Variants in KCNK17 observed in about 807,000 individuals in gnomAD.
KCNK17 encodes potassium channel subfamily K member 17.
KCNK17 carries 27 observed loss-of-function variants against 24.6 expected under a neutral mutation model. The ratio of observed to expected loss-of-function variants is 1.10; its 90% confidence interval spans 0.81 to 1.51. KCNK17 has a LOEUF of 1.51. Among genes scored for constraint, KCNK17 ranks in the 40% most tolerant of loss-of-function variants. The probability of loss-of-function intolerance (pLI) is 0.00; values close to 1 mark genes in which losing one functional copy is unlikely to be tolerated. For synonymous variants in KCNK17, 181 were observed against 189.8 expected, an observed-to-expected ratio of 0.95 and a Z score of 0.38; for missense variants, 450 against 436.6, an observed-to-expected ratio of 1.03 and a Z score of -0.27.
Position 39,314,416 on chromosome 6 carries a change from G to A in KCNK17, c.-96C>T. On this transcript the variant is annotated 5_prime_UTR_variant, in exon 1 of 5. Transcript: ENST00000373231. ...CCAGCTCGTATCTCCTCTCGCAAACGCCTGCTGGTGCCCGGTTTCGCCGGG... is the reference window on the plus strand; with the variant it reads ...CCAGCTCGTATCTCCTCTCGCAAACACCTGCTGGTGCCCGGTTTCGCCGGG... 2 of 876,898 alleles carry A rather than the reference G, an allele frequency of 2.3e-6. No individual in the cohort carries two copies. Among genetic ancestry groups the A allele is most frequent in the Non-Finnish European group, 3.3e-6 (2 of 612,408 alleles). The allele number at this position is 876,898 out of a possible 1,614,324, so 54.3% of individuals were successfully genotyped here. A position where few individuals can be genotyped will look rare whatever the true frequency, so the allele number is the denominator to read the frequency against.
At chr6:39,308,654 G>A (rs918274243) in intron 2 of KCNK17, among the ~76,000 whole-genome samples, 6 of 152,246 alleles carry the variant, frequency 3.9e-5, no homozygotes, top group African/African-American at 1.4e-4. Context: ...GCCAGGAATG[G>A]AGTTCATAGA....
chr6:39,307,608 A>G (rs1762058436), intron 2 of KCNK17, among the ~76,000 whole-genome samples: 1 of 152,128 alleles, frequency 6.6e-6, no homozygotes, highest in Non-Finnish European at 1.5e-5. Context: ...CAGCGTTCTC[A>G]GGCTGACATT....
At chr6:39,310,734 C>T (rs533297186) in intron 2 of KCNK17, among the ~76,000 whole-genome samples, 159 bp downstream of exon 2, 2 of 152,212 alleles carry the variant, frequency 1.3e-5, no homozygotes, top group East Asian at 3.9e-4. Context: ...TGTAGTGAGG[C>T]CCGAGACTGC....
intron 2 of KCNK17, among the ~76,000 whole-genome samples, chr6:39,305,177 G>C (rs560466698): frequency 6.6e-6 from 1 of 152,306 alleles, no homozygotes; most frequent in East Asian, 1.9e-4. Flanking sequence ...CTTTGCTCTG[G>C]GATCCCCATG....
At chr6:39,306,326 G>A (rs1246352717) in intron 2 of KCNK17, among the ~76,000 whole-genome samples, 1 of 152,200 alleles carries the variant, frequency 6.6e-6, no homozygotes, top group Non-Finnish European at 1.5e-5. Context: ...TTACAGGCGT[G>A]AGCCACCGCA....
At chr6:39,304,181 G>A (rs367998321) in intron 3 of KCNK17, 50 bp from the exon 4 acceptor site, 19 of 1,561,956 alleles carry the variant, frequency 1.2e-5, no homozygotes, top group African/African-American at 2.7e-5. Context: ...CACCCCATGC[G>A]TGGGAGCCGA....
At position 39,299,652 on chromosome 6, in the gene KCNK17, C is replaced by T. The variant is rs781511246; in HGVS notation, c.774G>A (p.Leu258=). Residue 258 remains leucine, a synonymous_variant, in exon 5 of 5, where the codon TTG becomes TTA. Coordinates refer to ENST00000373231, the MANE Select transcript of KCNK17 (RefSeq NM_031460.4). ...WILFGMAWLA[L]IIKLILSQLE... ...GCTGGGAGAGGATGAGTTTGATGATCAAGGCCAGCCATGCCATCCCAAAGA... is the reference window on the plus strand; with the variant it reads ...GCTGGGAGAGGATGAGTTTGATGATTAAGGCCAGCCATGCCATCCCAAAGA... The T allele has an allele frequency of 4.3e-6, 7 of 1,614,124 alleles. No individual in the cohort carries two copies. The highest frequency in any genetic ancestry group is 5.9e-6 in the Non-Finnish European group (7 of 1,180,026).
In KCNK17 at chr6:39,307,835, T is replaced by C. The variant is rs149722946; in HGVS notation, c.352+3058A>G. Among the ~76,000 whole-genome samples, 273 of 152,346 alleles carry C rather than the reference T, an allele frequency of 1.8e-3. 1 individual carries two copies. The highest frequency in any genetic ancestry group is 6.0e-3 in the African/African-American group (250 of 41,592). On this transcript the variant is annotated intron_variant, in intron 2 of 4. Coordinates refer to ENST00000373231, the MANE Select transcript of KCNK17 (RefSeq NM_031460.4). The stretch of plus-strand genomic sequence containing the variant: ...TGATTGGTCTTCTCTGTACTTTCTC[T>C]GAATGCAGCTCCTGTTTCCAACCCT...
chr6:39,304,287 T>A (rs905291983), intron 3 of KCNK17, 156 bp from the exon 4 acceptor site: 12 of 800,952 alleles, frequency 1.5e-5, no homozygotes, highest in African/African-American at 5.2e-5. Flanking sequence ...CTGTGCCTCA[T>A]GTCCTTCCTG....
intron 4 of KCNK17, among the ~76,000 whole-genome samples, chr6:39,299,962 G>A (rs913229298): frequency 6.6e-6 from 1 of 152,184 alleles, no homozygotes; most frequent in Non-Finnish European, 1.5e-5. Flanking sequence ...TCTTTCTGAG[G>A]GAATCTGTTT....
chr6:39,313,048 G>A (rs907044438), intron 1 of KCNK17, among the ~76,000 whole-genome samples: 14 of 152,176 alleles, frequency 9.2e-5, no homozygotes, highest in Non-Finnish European at 1.6e-4. Context: ...GGACGGATAA[G>A]CCACCAGGAC....
At chr6:39,311,727 A>G (rs1035567122) in intron 1 of KCNK17, among the ~76,000 whole-genome samples, 4 of 152,200 alleles carry the variant, frequency 2.6e-5, no homozygotes, top group Non-Finnish European at 5.9e-5. Flanking sequence ...GGGTAGGAGC[A>G]GAGGCCTCAT....
chr6:39,304,802 T>C, intron 2 of KCNK17, 147 bp from the exon 3 acceptor site: 1 of 829,258 alleles, frequency 1.2e-6, no homozygotes, highest in Non-Finnish European at 1.9e-6. Context: ...GGCCCTCCTT[T>C]TCTGTGCTGG....
chr6:39,303,643 G>C (rs985612194), intron 4 of KCNK17, among the ~76,000 whole-genome samples: 1 of 152,190 alleles, frequency 6.6e-6, no homozygotes, highest in Non-Finnish European at 1.5e-5. Flanking sequence ...CATAGGGAGA[G>C]AGTGAAGTGG....
At position 39,299,458 on chromosome 6, in the gene KCNK17, G is replaced by T. The variant is rs755773646; in HGVS notation, c.968C>A (p.Ala323Asp). ...GTCCTTGCCACAGCCTGCAGCGTGAGCAGAAGGTTCCAGATGCTGTATGAT... is the reference window on the plus strand; with the variant it reads ...GTCCTTGCCACAGCCTGCAGCGTGATCAGAAGGTTCCAGATGCTGTATGAT... Reference protein sequence around the residue: ...MGIIQHLEPSAHAAGCGKDS With the variant: ...MGIIQHLEPSDHAAGCGKDS The change falls in exon 5 of 5, where the codon GCT becomes GAT. Residue 323 changes from alanine to aspartate, a missense_variant. Transcript: ENST00000373231. 6.2e-6 allele frequency: 10 copies of T among 1,614,016 alleles called. No individual in the cohort carries two copies. The highest frequency in any genetic ancestry group is 5.9e-6 in the Non-Finnish European group (7 of 1,179,902).
chr6:39,304,205 A>T, intron 3 of KCNK17, 74 bp from the exon 4 acceptor site: 1 of 1,428,234 alleles, frequency 7.0e-7, no homozygotes, highest in Non-Finnish European at 9.5e-7. Context: ...AGCTGGAGGC[A>T]GGCCAGAGCT....
At chr6:39,313,879 G>A (rs1429735409) in intron 1 of KCNK17, among the ~76,000 whole-genome samples, 6 of 152,226 alleles carry the variant, frequency 3.9e-5, no homozygotes, top group Admixed American at 2.0e-4. Flanking sequence ...CTAGGGCGAG[G>A]GTCTTTTCCT....
At chr6:39,301,142 T>C (rs914237515) in intron 4 of KCNK17, among the ~76,000 whole-genome samples, 1 of 152,184 alleles carries the variant, frequency 6.6e-6, no homozygotes, top group African/African-American at 2.4e-5. Context: ...TAAGTATAGC[T>C]GAGGGAGGGG....
At position 39,299,623 on chromosome 6, in the gene KCNK17, T is replaced by C; in HGVS notation, c.803A>G (p.Glu268Gly). 6.2e-7 allele frequency: 1 copy of C among 1,614,048 alleles called. No homozygotes were observed. The highest frequency in any genetic ancestry group is 8.5e-7 in the Non-Finnish European group (1 of 1,180,004). ...LIIKLILSQL[E>G]TPGRVCSCCH... is the part of the protein sequence containing the mutation. Reference sequence around the variant, plus strand: ...GCAGGAACATACCCTCCCTGGCGTCTCCAGCTGGGAGAGGATGAGTTTGAT... The same window carrying C: ...GCAGGAACATACCCTCCCTGGCGTCCCCAGCTGGGAGAGGATGAGTTTGAT... Residue 268 changes from glutamate to glycine, a missense_variant, in exon 5 of 5, where the codon GAG becomes GGG. Glu to Gly is a moderately conservative substitution (Grantham distance 98). Coordinates refer to ENST00000373231, the MANE Select transcript of KCNK17 (RefSeq NM_031460.4).
Sources: gnomAD v4.1 joint callset for allele counts (sites outside exome capture counted in the v4.1 genomes callset) on GRCh38, gnomAD v4.1.1 for gene constraint, MANE v1.5 for transcripts, NCBI Gene and HGNC (gene_info 2026-07-23, HGNC 2026-07-21) for gene names.